Variants in TBC1D8 observed in about 807,000 individuals in gnomAD.
The protein encoded by TBC1D8 is TBC1 domain family member 8.
In TBC1D8, 65 loss-of-function variants were observed where a neutral mutation model predicts 118.8. The ratio of observed to expected loss-of-function variants is 0.55; its 90% CI spans 0.45 to 0.67. TBC1D8 has a LOEUF of 0.67. TBC1D8 is among the 30% of genes least tolerant of loss of function. The pLI is 0.00. For synonymous variants in TBC1D8, 566 were observed against 595.8 expected (o/e 0.95, Z 0.73); for missense variants, 1,376 against 1,471.2 (o/e 0.94, Z 1.06).
At chr2:101,093,976 G>A (rs1289749563) in intron 1 of TBC1D8, among the ~76,000 whole-genome samples, 7 of 152,118 alleles carry the variant, frequency 4.6e-5, no homozygotes, top group Middle Eastern at 3.4e-3. Context: ...GATTACAGGC[G>A]TGAGCCACCA....
At chr2:101,145,907 G>C (rs912845155) in intron 1 of TBC1D8, among the ~76,000 whole-genome samples, 1 of 152,212 alleles carries the variant, frequency 6.6e-6, no homozygotes, top group African/African-American at 2.4e-5. Context: ...ATAGATAAGT[G>C]AATGTTTCTT....
At chr2:101,009,299 G>C (rs897734912) in intron 19 of TBC1D8, among the ~76,000 whole-genome samples, 27 of 151,846 alleles carry the variant, frequency 1.8e-4, no homozygotes, top group African/African-American at 6.1e-4. Context: ...CCAGCTACTC[G>C]GGAAGCTGAG....
At chr2:101,032,418 T>C (rs2105389470) in intron 10 of TBC1D8, 33 bp from the exon 11 acceptor site, 1 of 1,571,610 alleles carries the variant, frequency 6.4e-7, no homozygotes, top group African/African-American at 1.3e-5. Flanking sequence ...AGTTACTGAC[T>C]GGCCCATGTG....
intron 1 of TBC1D8, among the ~76,000 whole-genome samples, chr2:101,112,040 GA>G (rs1677620353): frequency 1.3e-5 from 2 of 151,982 alleles, no homozygotes; most frequent in African/African-American, 4.8e-5. Context: ...AAATCCATCT[GA>G]ACACAGATGT....
chr2:101,087,309 A>G (rs7584650), intron 2 of TBC1D8, among the ~76,000 whole-genome samples: 48,449 of 151,824 alleles, frequency 0.32, 7,860 homozygotes, highest in East Asian at 0.38. Flanking sequence ...ATGGAGGGAA[A>G]AAAACAGGAG....
In TBC1D8 at chr2:101,148,895, A is replaced by G. The variant is rs375472631; in HGVS notation, c.127+2232T>C. Among the ~76,000 whole-genome samples, 10 of 152,252 alleles carry G rather than the reference A, an allele frequency of 6.6e-5. No individual in the cohort carries two copies. The East Asian group carries it at 1.9e-3, about 29-fold the overall frequency. ...GCCACATTAGAATTGCACATTTTCCAAAAACCGCCACCACCACAGAGCTGC... is the reference window on the plus strand; with the variant it reads ...GCCACATTAGAATTGCACATTTTCCGAAAACCGCCACCACCACAGAGCTGC... On this transcript the variant is annotated intron_variant, in intron 1 of 19. Transcript: ENST00000409318.
At chr2:101,024,569 G>T (rs1019039284) in intron 15 of TBC1D8, among the ~76,000 whole-genome samples, 10 of 151,934 alleles carry the variant, frequency 6.6e-5, no homozygotes, top group African/African-American at 2.2e-4. Flanking sequence ...ACCACACTCG[G>T]CTAATTTTTG....
intron 2 of TBC1D8, 29 bp downstream of exon 2, chr2:101,090,180 T>C (rs550771704): frequency 2.9e-4 from 471 of 1,598,280 alleles, no homozygotes; most frequent in Non-Finnish European, 3.8e-4. Flanking sequence ...CCTTAAGGTT[T>C]GGAACATTCC....
chr2:101,106,795 C>T (rs1475220678), intron 1 of TBC1D8, among the ~76,000 whole-genome samples: 2 of 152,204 alleles, frequency 1.3e-5, no homozygotes, highest in African/African-American at 2.4e-5. Flanking sequence ...CAGTCAGCCA[C>T]GTGATCACAA....
At chr2:101,035,825 G>T (rs1558640472) in intron 9 of TBC1D8, among the ~76,000 whole-genome samples, 193 bp downstream of exon 9, 2 of 152,182 alleles carry the variant, frequency 1.3e-5, no homozygotes, top group Admixed American at 1.3e-4. Flanking sequence ...ACAGCCCAGA[G>T]GCCCAGGCAG....
intron 11 of TBC1D8, among the ~76,000 whole-genome samples, chr2:101,031,165 G>A (rs1051397625): frequency 7.9e-5 from 12 of 152,188 alleles, no homozygotes; most frequent in African/African-American, 2.7e-4. Flanking sequence ...CCTCAATGAC[G>A]CCGAGCTTTT....
rs1371102449 is a variant in TBC1D8, at chr2:101,044,279, T to C, written c.873-3894A>G. Among the ~76,000 whole-genome samples, 6 of 152,362 alleles carry C rather than the reference T, an allele frequency of 3.9e-5. 1 individual carries two copies. On this transcript the variant is annotated intron_variant, in intron 5 of 19. Coordinates refer to ENST00000409318, the MANE Select transcript of TBC1D8 (RefSeq NM_001330348.2). ...AATTTCACCATTCGTTAAATATGTA[T>C]TATATACAAGATAGTTAAATTTCCA...
chr2:101,070,443 C>T (rs1573976491), intron 2 of TBC1D8, among the ~76,000 whole-genome samples: 2 of 143,644 alleles, frequency 1.4e-5, no homozygotes, highest in African/African-American at 2.6e-5. Flanking sequence ...GATAGAGTCT[C>T]ACTCTGTTGC....
intron 2 of TBC1D8, among the ~76,000 whole-genome samples, chr2:101,068,866 G>GT (rs1179073019): frequency 5.3e-5 from 8 of 152,048 alleles, no homozygotes; most frequent in Admixed American, 1.3e-4. Flanking sequence ...GAGCGTGGTG[G>GT]TGGGGCGCCT....
rs749102735 is a variant in TBC1D8, at chr2:101,151,154, G to A, written c.100C>T (p.His34Tyr). 5.8e-6 allele frequency: 7 copies of A among 1,207,034 alleles called. No homozygotes were observed. In the South Asian group the frequency reaches 1.5e-4, roughly 26 times the overall value. 74.8% of individuals were successfully genotyped at this position (1,207,034 alleles called of 1,614,324 possible). The change falls in exon 1 of 20, where the codon CAC (histidine) becomes TAC (tyrosine). Residue 34 changes from histidine (H) to tyrosine (Y), a missense_variant. Coordinates refer to ENST00000409318, the MANE Select transcript of TBC1D8 (RefSeq NM_001330348.2). ...CYFILQRRRG[H>Y]GEGGGRLTGR... ...GTGAGGCGGCCGCCCCCCTCGCCGT[G>A]CCCGCGGCGCCGCTGCAGGATGAAG... is the stretch of plus-strand genomic sequence containing the variant.
At chr2:101,013,719 T>C (rs1347380778) in intron 17 of TBC1D8, among the ~76,000 whole-genome samples, 1 of 152,222 alleles carries the variant, frequency 6.6e-6, no homozygotes. Flanking sequence ...ACTTTCTAAA[T>C]GGGATGCCTG....
Position 101,036,251 on chromosome 2 carries a change from A to C in TBC1D8, c.1453-83T>G, listed in dbSNP as rs1681002181. On this transcript the variant is annotated intron_variant, in intron 8 of 19. Coordinates refer to ENST00000409318, the MANE Select transcript of TBC1D8 (RefSeq NM_001330348.2). ...ACCGATGCACCGCTGGCAATGGAGG[A>C]AGTACTGCCCCTGCTCTCCGAGGGG... The C allele has an allele frequency of 6.6e-6, 10 of 1,516,848 alleles. No homozygotes were observed. In the South Asian group the frequency reaches 1.2e-4, roughly 18 times the overall value. 94.0% of individuals were successfully genotyped at this position (1,516,848 alleles called of 1,614,324 possible). A position where few individuals can be genotyped will look rare whatever the true frequency, so the allele number is the denominator to read the frequency against.
At chr2:101,066,838 G>A (rs955339485) in intron 2 of TBC1D8, among the ~76,000 whole-genome samples, 6 of 151,386 alleles carry the variant, frequency 4.0e-5, no homozygotes, top group African/African-American at 1.5e-4. Context: ...TCAGCTACTC[G>A]AGAGGCTGAG....
chr2:101,021,918 A>ACCGGTGCCCC, intron 16 of TBC1D8, among the ~76,000 whole-genome samples, 172 bp from the exon 17 acceptor site: 1 of 152,278 alleles, frequency 6.6e-6, no homozygotes, highest in African/African-American at 2.4e-5. Context: ...TGGGCTGGTG[A>ACCGGTGCCCC]CTATGTGAGC....
Sources: allele counts gnomAD v4.1 joint callset (sites outside exome capture counted in the v4.1 genomes callset), GRCh38; gene constraint gnomAD v4.1.1; transcripts MANE v1.5; gene names NCBI Gene and HGNC (gene_info 2026-07-23, HGNC 2026-07-21).